The following VPS13C variants were observed in gnomAD, a reference collection of about 807,000 sequenced individuals.
VPS13C encodes the protein vacuolar protein sorting 13 homolog C.
VPS13C carries 358 observed loss-of-function variants against 456.8 expected under a neutral mutation model. The ratio of observed to expected loss-of-function variants is 0.78; its 90% CI spans 0.72 to 0.86. The LOEUF (loss-of-function observed/expected upper bound fraction) is 0.86, where lower values mean the gene tolerates loss of function less well. VPS13C is among the 40% of genes least tolerant of loss of function. VPS13C has a pLI of 0.00. For missense variants in VPS13C, 4,818 were observed against 4,385.4 expected, an observed-to-expected ratio of 1.10 and a Z score of -2.79; for synonymous variants, 1,578 against 1,486.7, an observed-to-expected ratio of 1.06 and a Z score of -1.41.
At chr15:62,017,870 C>G (rs2047315414) in intron 9 of VPS13C, among the ~76,000 whole-genome samples, 1 of 152,178 alleles carries the variant, frequency 6.6e-6, no homozygotes, top group African/African-American at 2.4e-5. Context: ...TATAAATTAT[C>G]TTGGGCAGTA....
chr15:61,875,281 C>G (rs1472802424), intron 76 of VPS13C, among the ~76,000 whole-genome samples: 79 of 151,956 alleles, frequency 5.2e-4, no homozygotes, highest in Non-Finnish European at 4.4e-5. Flanking sequence ...AGTAAGAGCC[C>G]ACAGATTTTT....
At chr15:61,872,851 G>C (rs1895138423) in intron 78 of VPS13C, among the ~76,000 whole-genome samples, 1 of 151,960 alleles carries the variant, frequency 6.6e-6, no homozygotes, top group Non-Finnish European at 1.5e-5. Flanking sequence ...AATTTTAAAA[G>C]TATTAAAAAG....
chr15:61,993,026 T>G (rs1414623120), intron 16 of VPS13C, among the ~76,000 whole-genome samples: 1 of 152,136 alleles, frequency 6.6e-6, no homozygotes, highest in Non-Finnish European at 1.5e-5. Context: ...CCGAGCTTTT[T>G]TGGAAATGAC....
intron 9 of VPS13C, among the ~76,000 whole-genome samples, chr15:62,017,428 G>T (rs7179381): frequency 3.3e-5 from 5 of 152,124 alleles, no homozygotes; most frequent in South Asian, 4.1e-4. Flanking sequence ...GGTCTAACAT[G>T]TAAGTCTTTA....
rs1236565242 is a variant in VPS13C at position 61,949,445 on chromosome 15, G to C, written c.4757C>G (p.Ala1586Gly). The C allele has an allele frequency of 6.2e-7, 1 of 1,607,420 alleles. No individual in the cohort carries two copies. The highest frequency in any genetic ancestry group is 1.1e-5 in the South Asian group (1 of 88,862). The change falls in exon 42 of 85, where the codon GCT becomes GGT. Residue 1586 changes from alanine (A) to glycine (G), a missense_variant and splice_region_variant. By Grantham distance (60) the Ala-to-Gly change is moderately conservative (BLOSUM62 0). This residue lies in a region of VPS13C where 4,552 missense variants were observed against 4,130.6 expected (regional missense o/e 1.10). Coordinates refer to ENST00000644861, the MANE Select transcript of VPS13C (RefSeq NM_020821.3). ...GATCATAATTCAAAAATTATTACCA[G>C]CTTTGACAGCGATACTTCTGGACTC... is the stretch of plus-strand genomic sequence containing the variant. The part of the protein sequence containing the change: ...VGESRSIAVK[A>G]VSSNISQKDV...
chr15:61,961,049 C>G (rs1266976416), intron 35 of VPS13C, among the ~76,000 whole-genome samples: 1 of 151,634 alleles, frequency 6.6e-6, no homozygotes, highest in African/African-American at 2.4e-5. Flanking sequence ...CCATTGCACT[C>G]CAGCCTGGGC....
chr15:62,047,692 C>T (rs1011650826), intron 1 of VPS13C, among the ~76,000 whole-genome samples: 18 of 152,114 alleles, frequency 1.2e-4, no homozygotes, highest in Admixed American at 1.2e-3. Context: ...TTCATTCAAG[C>T]AGTAGCTGAG....
intron 16 of VPS13C, among the ~76,000 whole-genome samples, chr15:61,996,578 GC>G (rs1479750791): frequency 2.0e-5 from 3 of 151,914 alleles, no homozygotes; most frequent in African/African-American, 7.3e-5. Context: ...TATCAGAGAG[GC>G]ACTGAAACTA....
intron 64 of VPS13C, among the ~76,000 whole-genome samples, chr15:61,909,828 T>C (rs1393948215): frequency 3.9e-5 from 6 of 152,130 alleles, no homozygotes; most frequent in Non-Finnish European, 8.8e-5. Context: ...TCTTTGCTAT[T>C]GTGAATAGCG....
chr15:61,979,133 T>C (rs1317282941), intron 22 of VPS13C, among the ~76,000 whole-genome samples: 5 of 152,154 alleles, frequency 3.3e-5, no homozygotes, highest in Non-Finnish European at 5.9e-5. Context: ...TTCTCCGCAC[T>C]ATACCACAGG....
At chr15:62,050,055 C>T (rs1326913461) in intron 1 of VPS13C, among the ~76,000 whole-genome samples, 1 of 152,188 alleles carries the variant, frequency 6.6e-6, no homozygotes, top group East Asian at 1.9e-4. Context: ...CAAACAGGGA[C>T]AATTTTACTT....
At chr15:61,890,876 G>A (rs1232610541) in intron 66 of VPS13C, among the ~76,000 whole-genome samples, 8 of 151,968 alleles carry the variant, frequency 5.3e-5, no homozygotes, top group South Asian at 2.1e-4. Context: ...GTGAAACCCC[G>A]TCTCCACTAA....
At chr15:61,888,493 T>C (rs764026798) in intron 67 of VPS13C, among the ~76,000 whole-genome samples, 1 of 152,138 alleles carries the variant, frequency 6.6e-6, no homozygotes, top group Non-Finnish European at 1.5e-5. Flanking sequence ...TAATAGTCCA[T>C]TCATACAATG....
rs758053058 is a variant in VPS13C, at chr15:61,954,555, C to T, written c.4166-1G>A. The T allele has an allele frequency of 6.4e-7, 1 of 1,571,174 alleles. No individual in the cohort carries two copies. On this transcript the variant is annotated splice_acceptor_variant, in intron 37 of 84. Coordinates refer to ENST00000644861, the MANE Select transcript of VPS13C (RefSeq NM_020821.3). LOFTEE classifies it high-confidence loss of function. ...ATTTCAAGGGGCTCTTTAATTTCAC[C>T]TGAAATGTTTAAAAGAAATTCATTA...
At chr15:62,014,089 T>C in intron 9 of VPS13C, 97 bp from the exon 10 acceptor site, 2 of 786,232 alleles carry the variant, frequency 2.5e-6, no homozygotes, top group Non-Finnish European at 4.0e-6. Context: ...TAGGAAGAAA[T>C]GACATCTACT....
chr15:61,866,742 G>T (rs530432102), intron 81 of VPS13C: 12 of 984,944 alleles, frequency 1.2e-5, no homozygotes, highest in African/African-American at 1.7e-5. Context: ...TCTAGCACAC[G>T]CTGGTTTTTG....
intron 79 of VPS13C, among the ~76,000 whole-genome samples, chr15:61,871,594 CTGG>C (rs1387127157): frequency 1.3e-5 from 2 of 151,872 alleles, no homozygotes; most frequent in South Asian, 4.1e-4. Flanking sequence ...TCTGGGATCC[CTGG>C]AATGGCCATA....
At chr15:61,979,714 G>A (rs571094223) in intron 22 of VPS13C, among the ~76,000 whole-genome samples, 59 of 152,280 alleles carry the variant, frequency 3.9e-4, no homozygotes, top group Admixed American at 1.8e-3. Context: ...CATTTCAACT[G>A]ATTCAGCTTA....
intron 18 of VPS13C, 26 bp downstream of exon 18, chr15:61,990,974 T>C: frequency 2.0e-6 from 3 of 1,525,828 alleles, no homozygotes; most frequent in Non-Finnish European, 2.7e-6. Context: ...TGAGACAAAA[T>C]TCCTTTAAAC....
Sources: allele counts gnomAD v4.1 joint callset (sites outside exome capture counted in the v4.1 genomes callset), GRCh38; gene constraint gnomAD v4.1.1; regional missense constraint gnomAD v4.1.1; transcripts MANE v1.5; gene names NCBI Gene and HGNC (gene_info 2026-07-23, HGNC 2026-07-21).